Variants in IL17RA observed in about 807,000 individuals in gnomAD.
IL17RA encodes interleukin 17 receptor A, also known as interleukin-17 receptor A.
A neutral mutation model predicts 50.4 loss-of-function variants in IL17RA; 34 were observed. The observed-to-expected ratio is 0.67, with a 90% CI of 0.51 to 0.90. The LOEUF is 0.90. IL17RA is among the 40% of genes least tolerant of loss of function. The pLI is 0.00. For synonymous variants in IL17RA, 585 were observed against 510.4 expected, an observed-to-expected ratio of 1.15 and a Z score of -1.97; for missense variants, 1,276 against 1,169.8, an observed-to-expected ratio of 1.09 and a Z score of -1.32.
intron 1 of IL17RA, among the ~76,000 whole-genome samples, chr22:17,091,232 CTT>C (rs1328850523): frequency 6.6e-6 from 1 of 152,134 alleles, no homozygotes; most frequent in Non-Finnish European, 1.5e-5. Flanking sequence ...TATGTTAAGT[CTT>C]TTCATGTCAA....
intron 1 of IL17RA, among the ~76,000 whole-genome samples, chr22:17,088,443 C>T (rs2061336009): frequency 1.3e-5 from 2 of 150,818 alleles, no homozygotes; most frequent in East Asian, 2.0e-4. Context: ...CTCAGCCTCC[C>T]GAGTCATTGG....
intron 1 of IL17RA, among the ~76,000 whole-genome samples, chr22:17,087,707 C>T (rs190000671): frequency 1.3e-5 from 2 of 152,292 alleles, no homozygotes; most frequent in Non-Finnish European, 1.5e-5. Context: ...AATTGCATTT[C>T]CCTGGGAGTT....
At chr22:17,087,695 A>G (rs2061333253) in intron 1 of IL17RA, among the ~76,000 whole-genome samples, 1 of 152,216 alleles carries the variant, frequency 6.6e-6, no homozygotes, top group South Asian at 2.1e-4. Flanking sequence ...GAAACCATCA[A>G]TAATTGCATT....
In IL17RA at chr22:17,109,951, C is replaced by T. The variant is rs1446227160; in HGVS notation, c.*131C>T. 39 of 941,936 alleles carry T rather than the reference C, an allele frequency of 4.1e-5. 1 individual carries two copies. Among genetic ancestry groups the T allele is most frequent in the Non-Finnish European group, 5.0e-5 (32 of 636,546 alleles). The allele number at this position is 941,936 out of a possible 1,614,324, so 58.3% of individuals were successfully genotyped here. A position where few individuals can be genotyped will look rare whatever the true frequency, so the allele number is the denominator to read the frequency against. ...AATGTAGGCTTTAAAATGTAAATGT[C>T]TGGATTTTAATCCCAGGCATCCCTC... On this transcript the variant is annotated 3_prime_UTR_variant, in exon 13 of 13. Transcript: ENST00000319363.
At chr22:17,094,674 T>TCTCTCTCTCTCC (rs1379780605) in intron 1 of IL17RA, among the ~76,000 whole-genome samples, 1 of 58,332 alleles carries the variant, frequency 1.7e-5, no homozygotes, top group Non-Finnish European at 3.4e-5. Flanking sequence ...TCTCTCTCTC[T>TCTCTCTCTCTCC]CTCTCTCTCT....
chr22:17,109,826 G>T lies in IL17RA; in HGVS notation c.*6G>T, dbSNP rs1175970777. 42 of 1,548,376 alleles carry T rather than the reference G, an allele frequency of 2.7e-5. No homozygotes were observed. The Admixed American group carries it at 2.9e-4, about 11-fold the overall frequency. ...CAGAGGGGCCCAGTGCATGAGGGCG[G>T]CTCCCCAGGGACCGCCCAGATCCCA... On this transcript the variant is annotated 3_prime_UTR_variant, in exon 13 of 13. Coordinates refer to ENST00000319363, the MANE Select transcript of IL17RA (RefSeq NM_014339.7).
At position 17,109,436 on chromosome 22, in the gene IL17RA, C is replaced by T; in HGVS notation, c.2217C>T (p.Leu739=). The T allele has an allele frequency of 1.2e-6, 2 of 1,613,454 alleles. No homozygotes were observed. Among genetic ancestry groups the T allele is most frequent in the South Asian group, 2.2e-5 (2 of 91,058 alleles). The stretch of plus-strand genomic sequence containing the variant: ...GCACCCCCATGGCGTCTCCTGACCT[C>T]CTTCCAGAGGACGTGAGGGAGCACC... ...GSSTPMASPD[L]LPEDVREHLE... Residue 739 remains leucine (L), a synonymous_variant, in exon 13 of 13, where the codon CTC becomes CTT. Coordinates refer to ENST00000319363, the MANE Select transcript of IL17RA (RefSeq NM_014339.7).
intron 1 of IL17RA, among the ~76,000 whole-genome samples, chr22:17,090,096 C>T (rs558326238): frequency 1.8e-4 from 27 of 152,240 alleles, no homozygotes; most frequent in South Asian, 1.2e-3. Context: ...AATCTCTGCT[C>T]ACTGCAGCTT....
At position 17,109,397 on chromosome 22, in the gene IL17RA, G is replaced by T. The variant is rs1261613548; in HGVS notation, c.2178G>T (p.Ser726=). ...VLFLPVDPED[S]PLGSSTPMAS... ...TCCTCCCCGTGGACCCCGAGGACTC[G>T]CCCCTTGGCAGCAGCACCCCCATGG... The change falls in exon 13 of 13, where the codon TCG becomes TCT. Residue 726 remains serine (S), a synonymous_variant. Transcript: ENST00000319363. 2 of 1,612,754 alleles carry T rather than the reference G, an allele frequency of 1.2e-6. No homozygotes were observed. Among genetic ancestry groups the T allele is most frequent in the Non-Finnish European group, 1.7e-6 (2 of 1,179,912 alleles).
chr22:17,086,784 C>A (rs898955701), intron 1 of IL17RA, among the ~76,000 whole-genome samples: 2 of 152,180 alleles, frequency 1.3e-5, no homozygotes, highest in African/African-American at 4.8e-5. Flanking sequence ...GTAGCAGGAG[C>A]ATTCCAGGTG....
intron 11 of IL17RA, 58 bp downstream of exon 11, chr22:17,106,012 C>A: frequency 7.6e-7 from 1 of 1,313,474 alleles, no homozygotes; most frequent in Non-Finnish European, 1.1e-6. Flanking sequence ...CACCACCACT[C>A]ACTACCAAGG....
Position 17,104,801 on chromosome 22 carries a change from G to A in IL17RA, c.922G>A (p.Asp308Asn), listed in dbSNP as rs770726543. 1 of 1,614,110 alleles carries A rather than the reference G, an allele frequency of 6.2e-7. No homozygotes were observed. Among genetic ancestry groups the A allele is most frequent in the Non-Finnish European group, 8.5e-7 (1 of 1,179,970 alleles). ...SATVSCPEMPDTPEPIPDYMP... is the reference protein window; with the variant it reads ...SATVSCPEMPNTPEPIPDYMP... ...GACTGTTTCCTGCCCAGAAATGCCA[G>A]ACACTCCAGGTAGGGGACATGCGGC... The change falls in exon 9 of 13, where the codon GAC becomes AAC. Residue 308 changes from aspartate (D) to asparagine (N), a missense_variant. Physicochemically the swap from Asp to Asn is conservative, Grantham distance 23 (BLOSUM62 1). Transcript: ENST00000319363.
chr22:17,103,674 G>GCACACTCCCCACTCCC, intron 8 of IL17RA, 97 bp downstream of exon 8: 1 of 968,914 alleles, frequency 1.0e-6, no homozygotes, highest in Non-Finnish European at 1.6e-6. Flanking sequence ...AGAGTGGTGT[G>GCACACTCCCCACTCCC]GACGGGAGTG....
chr22:17,100,664 C>G (rs189176772), intron 5 of IL17RA, among the ~76,000 whole-genome samples, 183 bp downstream of exon 5: 1 of 152,342 alleles, frequency 6.6e-6, no homozygotes, highest in Admixed American at 6.5e-5. Context: ...AACCTCCATT[C>G]CCTGAGGCAG....
chr22:17,094,744 T>C (rs1198625769), intron 1 of IL17RA, among the ~76,000 whole-genome samples: 1 of 133,014 alleles, frequency 7.5e-6, no homozygotes, highest in African/African-American at 2.9e-5. Context: ...TCATGACTTA[T>C]TTCCATAGAA....
rs2061447946 is a variant in IL17RA at position 17,112,547 on chromosome 22, C to A, written c.*2727C>A. The A allele has an allele frequency of 6.6e-6, 1 of 152,090 alleles. No homozygotes were observed. The highest frequency in any genetic ancestry group is 2.4e-5 in the African/African-American group (1 of 41,384). The allele number at this position is 152,090 out of a possible 1,614,324, so 9.4% of individuals were successfully genotyped here. On this transcript the variant is annotated 3_prime_UTR_variant, in exon 13 of 13. Coordinates refer to ENST00000319363, the MANE Select transcript of IL17RA (RefSeq NM_014339.7). ...AGGAGTCATAAATTCTCCAAGGTGT[C>A]TGTTTCTTCTTTAATGTCATTCCCT...
chr22:17,109,093 G>A lies in IL17RA; in HGVS notation c.1874G>A (p.Arg625His), dbSNP rs189025188. 2.7e-5 allele frequency: 42 copies of A among 1,563,564 alleles called. No individual in the cohort carries two copies. In the African/African-American group the frequency reaches 4.4e-4, roughly 16 times the overall value. ...ATCGTGAAGCGGGCGCCCCTGGTGC[G>A]CGAGCCTGGCTCCCAGGCCTGCCTG... Reference protein sequence around the residue: ...TGIVKRAPLVREPGSQACLAI... With the variant: ...TGIVKRAPLVHEPGSQACLAI... The change falls in exon 13 of 13, where the codon CGC (arginine) becomes CAC (histidine). Residue 625 changes from arginine to histidine, a missense_variant. Coordinates refer to ENST00000319363, the MANE Select transcript of IL17RA (RefSeq NM_014339.7).
chr22:17,104,746 C>T lies in IL17RA; in HGVS notation c.867C>T (p.Ser289=). 6.2e-7 allele frequency: 1 copy of T among 1,614,138 alleles called. No individual in the cohort carries two copies. The highest frequency in any genetic ancestry group is 8.5e-7 in the Non-Finnish European group (1 of 1,179,974). The part of the protein sequence containing the change: ...HQVQIQPFFS[S]CLNDCLRHSA... ...CGCAGATCCAGCCCTTCTTCAGCAGCTGCCTCAATGACTGCCTCAGACACT... is the reference window on the plus strand; with the variant it reads ...CGCAGATCCAGCCCTTCTTCAGCAGTTGCCTCAATGACTGCCTCAGACACT... Residue 289 remains serine (S), a synonymous_variant, in exon 9 of 13, where the codon AGC becomes AGT. Coordinates refer to ENST00000319363, the MANE Select transcript of IL17RA (RefSeq NM_014339.7).
In IL17RA at chr22:17,097,913, G is replaced by C; in HGVS notation, c.280G>C (p.Ala94Pro). ...HTQQGDLFPV[A>P]HIEWTLQTDA... Reference sequence around the variant, plus strand: ...CCAACAAGGAGACCTGTTCCCCGTGGCTCACATCGAATGGACACTGCAGAC... The same window carrying C: ...CCAACAAGGAGACCTGTTCCCCGTGCCTCACATCGAATGGACACTGCAGAC... The change falls in exon 3 of 13, where the codon GCT becomes CCT. Residue 94 changes from alanine to proline, a missense_variant. Transcript: ENST00000319363. The C allele has an allele frequency of 6.2e-7, 1 of 1,614,128 alleles. No individual in the cohort carries two copies. Among genetic ancestry groups the C allele is most frequent in the South Asian group, 1.1e-5 (1 of 91,086 alleles).
Sources: gnomAD v4.1 joint callset for allele counts (sites outside exome capture counted in the v4.1 genomes callset) on GRCh38, gnomAD v4.1.1 for gene constraint, MANE v1.5 for transcripts, NCBI Gene and HGNC (gene_info 2026-07-23, HGNC 2026-07-21) for gene names.